ADAMTS3: variants seen among roughly 807,000 people sequenced by gnomAD.
ADAMTS3 encodes the protein ADAM metallopeptidase with thrombospondin type 1 motif 3, also known as A disintegrin and metalloproteinase with thrombospondin motifs 3.
A neutral mutation model predicts 129.0 loss-of-function variants in ADAMTS3; 73 were observed. That is an observed-to-expected ratio of 0.57 (90% CI 0.47 to 0.69). The LOEUF is 0.69. ADAMTS3 is among the 30% of genes least tolerant of loss of function. The pLI is 0.00. For missense variants in ADAMTS3, 1,457 were observed against 1,514.5 expected, an observed-to-expected ratio of 0.96 and a Z score of 0.63; for synonymous variants, 477 against 510.8, an observed-to-expected ratio of 0.93 and a Z score of 0.89.
At chr4:72,497,093 A>G (rs571514978) in intron 3 of ADAMTS3, among the ~76,000 whole-genome samples, 1 of 152,020 alleles carries the variant, frequency 6.6e-6, no homozygotes, top group African/African-American at 2.4e-5. Context: ...AAGTTATCAG[A>G]TGTTTAATAT....
chr4:72,499,728 G>A (rs1719962761), intron 3 of ADAMTS3, among the ~76,000 whole-genome samples: 1 of 152,080 alleles, frequency 6.6e-6, no homozygotes. Flanking sequence ...CCGTCACCCA[G>A]ATACTGAGCA....
rs551578459 is a variant in ADAMTS3, at chr4:72,335,113, TTA to T, written c.861+4379_861+4380del. The stretch of plus-strand genomic sequence containing the variant: ...TTAACCAAAAATAGATTATGGAGAA[TTA>T]AGGTTAGTGATGAAATCTTTGAAGG... On this transcript the variant is annotated intron_variant, in intron 5 of 21. Coordinates refer to ENST00000286657, the MANE Select transcript of ADAMTS3 (RefSeq NM_014243.3). Among the ~76,000 whole-genome samples the T allele has an allele frequency of 8.3e-4, 127 of 152,308 alleles. 1 individual carries two copies. Among genetic ancestry groups the T allele is most frequent in the African/African-American group, 3.0e-3 (124 of 41,574 alleles).
Position 72,298,423 on chromosome 4 carries a change from T to C in ADAMTS3, c.2444A>G (p.Asp815Gly). The change falls in exon 18 of 22, where the codon GAT becomes GGT. Residue 815 changes from aspartate (D) to glycine (G), a missense_variant. Coordinates refer to ENST00000286657, the MANE Select transcript of ADAMTS3 (RefSeq NM_014243.3). The part of the protein sequence containing the change: ...VIVLIIPQEN[D>G]TRSSLTYKYI... ...CTTATATGTCAGGCTAGAGCGGGTA[T>C]CATTTTCTTGAGGTATAATCTAACA... 3.1e-6 allele frequency: 5 copies of C among 1,605,368 alleles called. No homozygotes were observed. Among genetic ancestry groups the C allele is most frequent in the Non-Finnish European group, 4.3e-6 (5 of 1,174,384 alleles).
chr4:72,442,409 G>A (rs1718141326), intron 3 of ADAMTS3, among the ~76,000 whole-genome samples: 1 of 151,772 alleles, frequency 6.6e-6, no homozygotes, highest in Non-Finnish European at 1.5e-5. Context: ...TTTTAATCAT[G>A]ATGGAAGATA....
chr4:72,520,656 T>C (rs529596387), intron 3 of ADAMTS3, among the ~76,000 whole-genome samples: 2 of 152,318 alleles, frequency 1.3e-5, no homozygotes, highest in African/African-American at 4.8e-5. Flanking sequence ...ATGTGCGGGA[T>C]ATAATCTCCT....
chr4:72,465,016 T>C (rs115601915), intron 3 of ADAMTS3, among the ~76,000 whole-genome samples: 286 of 152,060 alleles, frequency 1.9e-3, no homozygotes, highest in African/African-American at 6.7e-3. Flanking sequence ...AAGACAGAAA[T>C]CTAAGCCCTT....
intron 5 of ADAMTS3, chr4:72,330,894 C>T (rs1719834355): frequency 6.6e-6 from 1 of 152,122 alleles, no homozygotes; most frequent in African/African-American, 2.4e-5. Context: ...GAACTGTTTA[C>T]CTTTCCTCAA....
At chr4:72,314,403 G>A (rs893467415) in intron 11 of ADAMTS3, among the ~76,000 whole-genome samples, 1 of 152,110 alleles carries the variant, frequency 6.6e-6, no homozygotes, top group Non-Finnish European at 1.5e-5. Context: ...TTCATAAGTA[G>A]TTGAAGGCCA....
intron 4 of ADAMTS3, among the ~76,000 whole-genome samples, chr4:72,343,546 C>T (rs1465956779): frequency 6.6e-6 from 1 of 152,122 alleles, no homozygotes; most frequent in African/African-American, 2.4e-5. Context: ...AGGAATGTGT[C>T]CCCTGCCTGC....
chr4:72,338,018 T>G (rs1348885826), intron 5 of ADAMTS3, among the ~76,000 whole-genome samples: 1 of 152,128 alleles, frequency 6.6e-6, no homozygotes, highest in Non-Finnish European at 1.5e-5. Context: ...ATAGGAAGTT[T>G]GAAATTTTAG....
intron 4 of ADAMTS3, among the ~76,000 whole-genome samples, chr4:72,409,337 A>G (rs1293494552): frequency 6.6e-6 from 1 of 152,164 alleles, no homozygotes; most frequent in Non-Finnish European, 1.5e-5. Flanking sequence ...CTTTTTTCTG[A>G]GTAGGCAATT....
At chr4:72,413,292 T>C (rs1722225409) in intron 4 of ADAMTS3, among the ~76,000 whole-genome samples, 1 of 151,978 alleles carries the variant, frequency 6.6e-6, no homozygotes, top group South Asian at 2.1e-4. Context: ...ATGTGGCCTA[T>C]GCGTTCCTAA....
chr4:72,541,950 G>T (rs992740410), intron 3 of ADAMTS3, among the ~76,000 whole-genome samples: 8 of 152,068 alleles, frequency 5.3e-5, no homozygotes, highest in African/African-American at 7.2e-5. Context: ...TTAGAATAAT[G>T]ACTCAAATTT....
intron 3 of ADAMTS3, among the ~76,000 whole-genome samples, chr4:72,454,277 T>A (rs941467985): frequency 3.3e-5 from 5 of 151,696 alleles, no homozygotes; most frequent in Non-Finnish European, 5.9e-5. Context: ...GTTTTACAGA[T>A]AAGTTAGTTG....
intron 3 of ADAMTS3, among the ~76,000 whole-genome samples, chr4:72,495,109 T>C (rs994286725): frequency 3.9e-5 from 6 of 152,030 alleles, no homozygotes; most frequent in Non-Finnish European, 8.8e-5. Flanking sequence ...ATAATGATGG[T>C]GTAAGTGTCT....
intron 5 of ADAMTS3, among the ~76,000 whole-genome samples, chr4:72,336,499 T>G (rs1261881212): frequency 1.3e-5 from 2 of 152,122 alleles, no homozygotes; most frequent in African/African-American, 4.8e-5. Flanking sequence ...TCATTCTCAT[T>G]TGATGATGAA....
intron 4 of ADAMTS3, among the ~76,000 whole-genome samples, chr4:72,358,286 C>T (rs1720632468): frequency 6.6e-6 from 1 of 151,926 alleles, no homozygotes; most frequent in African/African-American, 2.4e-5. Flanking sequence ...AGCTGTCATT[C>T]CAGCTATCCT....
intron 4 of ADAMTS3, among the ~76,000 whole-genome samples, chr4:72,359,237 T>A (rs1417514509): frequency 6.6e-6 from 1 of 152,020 alleles, no homozygotes; most frequent in African/African-American, 2.4e-5. Context: ...CTAAACAAAC[T>A]GTTGACCATA....
At chr4:72,488,303 C>T (rs372735915) in intron 3 of ADAMTS3, among the ~76,000 whole-genome samples, 21 of 152,024 alleles carry the variant, frequency 1.4e-4, no homozygotes, top group African/African-American at 5.1e-4. Flanking sequence ...TCTGTGGAGA[C>T]TATATTCCAG....
Sources: allele counts gnomAD v4.1 joint callset (sites outside exome capture counted in the v4.1 genomes callset), GRCh38; gene constraint gnomAD v4.1.1; transcripts MANE v1.5; gene names NCBI Gene and HGNC (gene_info 2026-07-23, HGNC 2026-07-21).